Variants in C12orf42 observed in about 807,000 individuals in gnomAD.
C12orf42 encodes the protein chromosome 12 open reading frame 42, also known as uncharacterized protein C12orf42.
Under a neutral mutation model 21.6 loss-of-function variants are expected in C12orf42, and 25 were observed. The ratio of observed to expected loss-of-function variants is 1.16; its 90% CI spans 0.84 to 1.62. The LOEUF (loss-of-function observed/expected upper bound fraction) is 1.62. C12orf42 is among the 40% of genes most tolerant of loss of function. The pLI is 0.00. For synonymous variants in C12orf42, 174 were observed against 175.0 expected, an observed-to-expected ratio of 0.99 and a Z score of 0.05; for missense variants, 483 against 459.3, an observed-to-expected ratio of 1.05 and a Z score of -0.47.
the C12orf42 span, among the ~76,000 whole-genome samples, chr12:103,126,950 A>G: frequency 6.6e-6 from 1 of 152,226 alleles, no homozygotes. Flanking sequence ...AGAAATGCAG[A>G]TAGTTAAAAA....
intron 4 of C12orf42, among the ~76,000 whole-genome samples, chr12:103,330,718 C>T (rs534448001): frequency 1.3e-5 from 2 of 152,184 alleles, no homozygotes; most frequent in Non-Finnish European, 2.9e-5. Flanking sequence ...TTTTCACAAC[C>T]TATATAATCT....
chr12:103,090,329 C>G, the C12orf42 span, among the ~76,000 whole-genome samples: 1 of 152,072 alleles, frequency 6.6e-6, no homozygotes, highest in Non-Finnish European at 1.5e-5. Flanking sequence ...GCACAGTCAC[C>G]ACCGAATTAA....
intron 10 of C12orf42, among the ~76,000 whole-genome samples, chr12:103,239,064 A>G (rs569695170): frequency 5.9e-5 from 9 of 152,314 alleles, no homozygotes; most frequent in African/African-American, 1.9e-4. Context: ...TCTCAAGGGT[A>G]TATGAGTAAG....
intron 4 of C12orf42, among the ~76,000 whole-genome samples, chr12:103,336,487 G>A (rs2041708026): frequency 6.6e-6 from 1 of 152,166 alleles, no homozygotes; most frequent in African/African-American, 2.4e-5. Context: ...AAAGAGTGAG[G>A]AGAGAGGAAA....
the C12orf42 span, among the ~76,000 whole-genome samples, chr12:103,546,597 G>A: frequency 6.6e-6 from 1 of 152,120 alleles, no homozygotes; most frequent in Non-Finnish European, 1.5e-5. Context: ...AAAAGGGTCA[G>A]GTGTTTTGAT....
At chr12:103,496,983 C>T (rs1205940628), upstream of C12orf42, among the ~76,000 whole-genome samples, 2 of 151,976 alleles carry the variant, frequency 1.3e-5, no homozygotes, top group East Asian at 3.8e-4. Flanking sequence ...ACTATTGACC[C>T]TATGTTCATC....
the C12orf42 span, among the ~76,000 whole-genome samples, chr12:103,526,432 T>C: frequency 6.6e-6 from 1 of 152,190 alleles, no homozygotes; most frequent in African/African-American, 2.4e-5. Context: ...TGTAAACTAA[T>C]GTAACTCAAG....
At chr12:103,398,872 T>C (rs184393518) in intron 3 of C12orf42, among the ~76,000 whole-genome samples, 50 of 152,194 alleles carry the variant, frequency 3.3e-4, no homozygotes, top group African/African-American at 1.2e-3. Flanking sequence ...TTATAAAAAG[T>C]CTTGATATCT....
the C12orf42 span, among the ~76,000 whole-genome samples, chr12:103,078,407 A>G: frequency 5.3e-5 from 8 of 152,186 alleles, no homozygotes; most frequent in Non-Finnish European, 8.8e-5. Context: ...TTGCAAACAT[A>G]TAATTCCAGA....
chr12:103,191,543 C>CAAAAAAAAAAAAAAAAAAA, the C12orf42 span, among the ~76,000 whole-genome samples: 4 of 58,112 alleles, frequency 6.9e-5, no homozygotes, highest in Non-Finnish European at 1.2e-4. Flanking sequence ...CTCCACTCTA[C>CAAAAAAAAAAAAAAAAAAA]AAAAAAAAAA....
intron 3 of C12orf42, among the ~76,000 whole-genome samples, chr12:103,371,845 A>G (rs958756495): frequency 1.3e-5 from 2 of 152,138 alleles, no homozygotes; most frequent in African/African-American, 4.8e-5. Flanking sequence ...TACCTTTACA[A>G]AATGGGGCTA....
intron 10 of C12orf42, among the ~76,000 whole-genome samples, chr12:103,253,161 C>G (rs2034392027): frequency 6.6e-6 from 1 of 152,006 alleles, no homozygotes; most frequent in African/African-American, 2.4e-5. Context: ...TTCCGTTGGT[C>G]TATATATCTG....
chr12:103,503,701 A>T, the C12orf42 span: 2 of 153,578 alleles, frequency 1.3e-5, no homozygotes, highest in South Asian at 1.8e-4. Flanking sequence ...GGCAGATGAG[A>T]TCCTCATCAG....
At chr12:103,078,826 C>T in the C12orf42 span, among the ~76,000 whole-genome samples, 6 of 152,306 alleles carry the variant, frequency 3.9e-5, no homozygotes, top group East Asian at 3.9e-4. Flanking sequence ...GTAATTTTGT[C>T]TCTGCAGAAA....
the C12orf42 span, among the ~76,000 whole-genome samples, chr12:103,110,741 A>T: frequency 6.6e-6 from 1 of 152,242 alleles, no homozygotes; most frequent in Non-Finnish European, 1.5e-5. Context: ...CAGGTTTTCA[A>T]AATCCTTCTA....
chr12:103,079,283 A>G, the C12orf42 span, among the ~76,000 whole-genome samples: 1 of 152,172 alleles, frequency 6.6e-6, no homozygotes, highest in Admixed American at 6.6e-5. Context: ...CTCTGAACAG[A>G]GTCAAGCTTT....
At chr12:103,220,746 G>A in the C12orf42 span, among the ~76,000 whole-genome samples, 2 of 152,120 alleles carry the variant, frequency 1.3e-5, no homozygotes, top group Non-Finnish European at 2.9e-5. Context: ...TCTATCAGTG[G>A]TGACAACTGC....
chr12:103,324,625 C>T (rs1474833122), intron 4 of C12orf42, among the ~76,000 whole-genome samples: 10 of 152,156 alleles, frequency 6.6e-5, no homozygotes, highest in Admixed American at 6.5e-4. Flanking sequence ...TATGTCTCAT[C>T]CTTACTTCAG....
At chr12:103,361,262 A>G (rs2044077625) in intron 4 of C12orf42, among the ~76,000 whole-genome samples, 1 of 152,180 alleles carries the variant, frequency 6.6e-6, no homozygotes, top group Non-Finnish European at 1.5e-5. Context: ...ACCCTCACTG[A>G]GGAACCTCAA....
Sources: allele counts gnomAD v4.1 joint callset (sites outside exome capture counted in the v4.1 genomes callset), GRCh38; gene constraint gnomAD v4.1.1; transcripts MANE v1.5; gene names NCBI Gene and HGNC (gene_info 2026-07-23, HGNC 2026-07-21).